DPYD: variants seen among roughly 807,000 people sequenced by gnomAD.
DPYD encodes dihydropyrimidine dehydrogenase [NADP(+)].
Under a neutral mutation model 116.2 loss-of-function variants are expected in DPYD, and 109 were observed. The ratio of observed to expected loss-of-function variants is 0.94; its 90% confidence interval spans 0.80 to 1.10. DPYD has a LOEUF of 1.10. Among genes scored for constraint, DPYD ranks in the 50% least tolerant of loss-of-function variants. The pLI, the probability that DPYD is intolerant of heterozygous loss-of-function variation, is 0.00. For synonymous variants in DPYD, 440 were observed against 432.0 expected (o/e 1.02, Z -0.23); for missense variants, 1,302 against 1,254.5 (o/e 1.04, Z -0.57).
intron 10 of DPYD, among the ~76,000 whole-genome samples, chr1:97,591,957 G>C (rs1654550991): frequency 6.6e-6 from 1 of 151,232 alleles, no homozygotes; most frequent in South Asian, 2.1e-4. Context: ...AGTCTAAAAA[G>C]GGTAGATTGG....
At chr1:97,376,865 T>TTGTGTGTGTGTGTGTGTGTGTGTG (rs66598688) in intron 15 of DPYD, among the ~76,000 whole-genome samples, 1 of 134,720 alleles carries the variant, frequency 7.4e-6, no homozygotes, top group Non-Finnish European at 1.6e-5. Flanking sequence ...AAGAGAGAGT[T>TTGTGTGTGTGTGTGTGTGTGTGTG]TGTGTGTGTG....
At chr1:97,168,438 T>A (rs1325185790) in intron 20 of DPYD, among the ~76,000 whole-genome samples, 1 of 152,174 alleles carries the variant, frequency 6.6e-6, no homozygotes, top group Non-Finnish European at 1.5e-5. Context: ...ACTTCACAGA[T>A]TGCTCTGAGG....
chr1:97,244,565 GT>G (rs1442185157), intron 18 of DPYD, among the ~76,000 whole-genome samples: 9 of 152,018 alleles, frequency 5.9e-5, no homozygotes, highest in African/African-American at 1.7e-4. Context: ...AGTTGGTTTA[GT>G]TTCCATGGTA....
chr1:97,158,298 A>G (rs1167022922), intron 20 of DPYD, among the ~76,000 whole-genome samples: 1 of 152,052 alleles, frequency 6.6e-6, no homozygotes, highest in South Asian at 2.1e-4. Context: ...AGCAAAAAAC[A>G]TTTAAGTCTT....
intron 16 of DPYD, among the ~76,000 whole-genome samples, chr1:97,313,826 T>C (rs917586580): frequency 6.6e-6 from 1 of 152,086 alleles, no homozygotes; most frequent in Non-Finnish European, 1.5e-5. Flanking sequence ...ATCTTCTCTG[T>C]TCCATAATCA....
intron 18 of DPYD, among the ~76,000 whole-genome samples, chr1:97,299,657 ATGCATCTCATAAAC>A: frequency 6.6e-6 from 1 of 152,258 alleles, no homozygotes; most frequent in South Asian, 2.1e-4. Context: ...ATGAAAAATT[ATGCATCTCATAAAC>A]TGCTATTCTG....
intron 4 of DPYD, among the ~76,000 whole-genome samples, chr1:97,727,740 G>A (rs909234711): frequency 6.6e-6 from 1 of 151,806 alleles, no homozygotes; most frequent in Non-Finnish European, 1.5e-5. Flanking sequence ...TTAGTACTCA[G>A]AGCCAAAGAC....
intron 10 of DPYD, among the ~76,000 whole-genome samples, chr1:97,579,200 G>A (rs1203951296): frequency 2.0e-5 from 3 of 152,210 alleles, no homozygotes; most frequent in African/African-American, 7.2e-5. Context: ...TCACATGGAA[G>A]GACAGGGCAT....
In DPYD at chr1:97,679,177, A is replaced by C. The variant is rs556933127; in HGVS notation, c.768T>G (p.Ile256Met). The C allele has an allele frequency of 7.3e-5, 113 of 1,543,000 alleles. No homozygotes were observed. Among genetic ancestry groups the C allele is most frequent in the Admixed American group, 2.1e-4 (12 of 57,830 alleles). Residue 256 changes from isoleucine to methionine, a missense_variant, in exon 8 of 23, where the codon ATT becomes ATG. Physicochemically the swap from Ile to Met is conservative, Grantham distance 10. Transcript: ENST00000370192. ...ELMKDLGVKIICGKSLSVNEM... is the reference protein window; with the variant it reads ...ELMKDLGVKIMCGKSLSVNEM... ...CATTCACTGAAAGGCTTTTACCGCA[A>C]ATTATCTATAAGAAACAATATTTTG...
At chr1:97,821,331 CA>C (rs35940342) in intron 3 of DPYD, among the ~76,000 whole-genome samples, 212 of 113,802 alleles carry the variant, frequency 1.9e-3, no homozygotes, top group African/African-American at 4.9e-3. Context: ...AACTCCACCT[CA>C]AAAAAAAAAA....
intron 5 of DPYD, among the ~76,000 whole-genome samples, chr1:97,703,109 T>G (rs1365211222): frequency 6.6e-6 from 1 of 152,078 alleles, no homozygotes; most frequent in Non-Finnish European, 1.5e-5. Context: ...TATCAATTGG[T>G]ATCCCTTTGC....
chr1:97,645,052 ATATTTTTAAAACTTACAGTATTC>A (rs1167110682), intron 8 of DPYD, among the ~76,000 whole-genome samples: 11 of 152,264 alleles, frequency 7.2e-5, no homozygotes, highest in African/African-American at 2.6e-4. Flanking sequence ...AAGATCTTTA[ATATTTTTAAAACTTACAGTATTC>A]TATTGCATGA....
At chr1:97,551,144 A>C (rs1007698143) in intron 11 of DPYD, among the ~76,000 whole-genome samples, 1 of 152,180 alleles carries the variant, frequency 6.6e-6, no homozygotes, top group African/African-American at 2.4e-5. Context: ...TATCATACTC[A>C]GGTTTTTATT....
At chr1:97,578,074 G>A (rs1653393031) in intron 10 of DPYD, among the ~76,000 whole-genome samples, 1 of 152,028 alleles carries the variant, frequency 6.6e-6, no homozygotes, top group Admixed American at 6.6e-5. Flanking sequence ...TCAAACTCCT[G>A]ACCTCAAGTG....
Position 97,705,991 on chromosome 1 carries a change from A to T in DPYD, c.484-6444T>A, listed in dbSNP as rs181453562. On this transcript the variant is annotated intron_variant, in intron 5 of 22. Transcript: ENST00000370192. ...CTTTTTGATGGGTTTTTTTTCTTGT[A>T]AATTTGTTTTTTAACGATTACATTT... Among the ~76,000 whole-genome samples, 538 of 151,688 alleles carry T rather than the reference A, an allele frequency of 3.5e-3. 5 individuals carry two copies. The highest frequency in any genetic ancestry group is 0.013 in the African/African-American group (517 of 41,360).
At chr1:97,732,210 C>T (rs944966913) in intron 4 of DPYD, among the ~76,000 whole-genome samples, 3 of 152,036 alleles carry the variant, frequency 2.0e-5, no homozygotes, top group East Asian at 1.9e-4. Flanking sequence ...TAAAAATGAG[C>T]CGGGAGCTGT....
chr1:97,150,318 A>G (rs532008037), intron 20 of DPYD, among the ~76,000 whole-genome samples: 46 of 152,232 alleles, frequency 3.0e-4, no homozygotes, highest in African/African-American at 1.1e-3. Context: ...TGTAATCTCC[A>G]AGAGAACAAG....
chr1:97,353,646 A>G (rs1182580028), intron 16 of DPYD, among the ~76,000 whole-genome samples: 2 of 135,168 alleles, frequency 1.5e-5, no homozygotes, highest in Admixed American at 1.5e-4. Context: ...TTTTTTTTCT[A>G]TGCTACAGTT....
At chr1:97,328,946 T>G (rs897173390) in intron 16 of DPYD, among the ~76,000 whole-genome samples, 1 of 152,208 alleles carries the variant, frequency 6.6e-6, no homozygotes, top group African/African-American at 2.4e-5. Context: ...AAAGGGCTTT[T>G]TATTGTATGC....
Sources: allele counts gnomAD v4.1 joint callset (sites outside exome capture counted in the v4.1 genomes callset), GRCh38; gene constraint gnomAD v4.1.1; transcripts MANE v1.5; gene names NCBI Gene and HGNC (gene_info 2026-07-23, HGNC 2026-07-21).